The following DOCK2 variants were observed in gnomAD, a reference collection of about 807,000 sequenced individuals.
DOCK2 encodes dedicator of cytokinesis protein 2.
DOCK2 carries 87 observed loss-of-function variants against 248.9 expected under a neutral mutation model. The observed-to-expected ratio is 0.35, with a 90% CI of 0.29 to 0.42. The LOEUF is 0.42. Ranked by LOEUF, DOCK2 falls within the 10% of genes least tolerant of loss-of-function variation. The pLI is 1.00. For missense variants in DOCK2, 1,747 were observed against 2,300.2 expected (o/e 0.76, Z 4.92); for synonymous variants, 805 against 821.6 (o/e 0.98, Z 0.35).
intron 25 of DOCK2, 68 bp downstream of exon 25, chr5:169,761,693 C>T (rs1752720435): frequency 7.1e-7 from 1 of 1,415,892 alleles, no homozygotes; most frequent in Admixed American, 1.7e-5. Flanking sequence ...TTTGGGGAAG[C>T]TTGGCAGGAG....
rs150795142 is a variant in DOCK2, at chr5:169,984,890, G to C, written c.2899-938G>C. 6.9e-3 allele frequency among the ~76,000 whole-genome samples: 1,046 copies of C among 152,212 alleles called. 15 individuals carry two copies. Among genetic ancestry groups the C allele is most frequent in the Non-Finnish European group, 0.011 (753 of 67,986 alleles). On this transcript the variant is annotated intron_variant, in intron 28 of 51. Coordinates refer to ENST00000520908, the MANE Select transcript of DOCK2 (RefSeq NM_004946.3). ...AGCTCAAAAGGGTCTCAGTGCCAGTGGTTCTGGTCTTAGCTATCCAGATTT... is the reference window on the plus strand; with the variant it reads ...AGCTCAAAAGGGTCTCAGTGCCAGTCGTTCTGGTCTTAGCTATCCAGATTT...
chr5:169,890,962 C>T (rs938289108), intron 27 of DOCK2, among the ~76,000 whole-genome samples: 2 of 152,158 alleles, frequency 1.3e-5, no homozygotes, highest in African/African-American at 4.8e-5. Context: ...TGAAACCCTG[C>T]AAAGGTGTCC....
Position 169,669,555 on chromosome 5 carries a change from C to T in DOCK2, c.168+227C>T, listed in dbSNP as rs145672553. Among the ~76,000 whole-genome samples the T allele has an allele frequency of 2.0e-5, 3 of 152,274 alleles. No individual in the cohort carries two copies. The East Asian group carries it at 5.8e-4, about 29-fold the overall frequency. ...CATCTCTGGTGCCATCTCCCTGCAA[C>T]TTTTCCTGATATGCCACTCACTTAT... is the stretch of plus-strand genomic sequence containing the variant. On this transcript the variant is annotated intron_variant, in intron 3 of 51. Transcript: ENST00000520908.
rs553462044 is a variant in DOCK2 at position 169,638,869 on chromosome 5, A to G, written c.43+1500A>G. On this transcript the variant is annotated intron_variant, in intron 1 of 51. Transcript: ENST00000520908. ...AGCAATGGAGCGGGCCTTAAATTCA[A>G]TTGTCTTCAGACCCTAGGCCCTTTG... Among the ~76,000 whole-genome samples the G allele has an allele frequency of 2.6e-5, 4 of 152,296 alleles. No individual in the cohort carries two copies. The South Asian group carries it at 6.2e-4, about 24-fold the overall frequency.
At chr5:169,896,090 T>C (rs1398209409) in intron 27 of DOCK2, among the ~76,000 whole-genome samples, 1 of 152,040 alleles carries the variant, frequency 6.6e-6, no homozygotes, top group Non-Finnish European at 1.5e-5. Context: ...CTGAGCCTGA[T>C]TGGCTGCACT....
chr5:169,838,794 G>A (rs1035444875), intron 26 of DOCK2, among the ~76,000 whole-genome samples: 1 of 152,186 alleles, frequency 6.6e-6, no homozygotes, highest in Non-Finnish European at 1.5e-5. Context: ...CAGGGCTAGA[G>A]AGTCTGGGAG....
At chr5:169,714,485 T>G (rs1761791165) in intron 19 of DOCK2, 28 bp downstream of exon 19, 2 of 1,611,716 alleles carry the variant, frequency 1.2e-6, no homozygotes, top group East Asian at 4.5e-5. Flanking sequence ...TTGATTGTAT[T>G]CTTACACTAG....
At chr5:170,045,760 G>A in intron 38 of DOCK2, 56 bp from the exon 39 acceptor site, 1 of 1,547,322 alleles carries the variant, frequency 6.5e-7, no homozygotes, top group Non-Finnish European at 8.9e-7. Flanking sequence ...TCCTCAGCAA[G>A]CGCTCTGCAA....
intron 22 of DOCK2, 108 bp from the exon 23 acceptor site, chr5:169,747,288 C>A (rs772277250): frequency 2.5e-5 from 24 of 945,688 alleles, no homozygotes; most frequent in Non-Finnish European, 3.4e-5. Flanking sequence ...AAGTCCCCAC[C>A]TCCCACTCCT....
chr5:170,037,577 C>T (rs1179531805), intron 36 of DOCK2, among the ~76,000 whole-genome samples: 1 of 151,202 alleles, frequency 6.6e-6, no homozygotes, highest in African/African-American at 2.4e-5. Context: ...ACCTCTGCCT[C>T]CCGGGTTCAA....
chr5:169,991,253 A>T (rs1211630497), intron 29 of DOCK2, among the ~76,000 whole-genome samples: 2 of 152,178 alleles, frequency 1.3e-5, no homozygotes, highest in African/African-American at 4.8e-5. Context: ...TGACACCAGG[A>T]TTTGTTCTGC....
At chr5:169,833,254 A>C (rs1187397367) in intron 26 of DOCK2, among the ~76,000 whole-genome samples, 1 of 152,226 alleles carries the variant, frequency 6.6e-6, no homozygotes. Flanking sequence ...TAACAAAATC[A>C]CCTCACTTCT....
intron 27 of DOCK2, among the ~76,000 whole-genome samples, chr5:169,962,651 A>G (rs922467248): frequency 6.6e-6 from 1 of 152,168 alleles, no homozygotes; most frequent in Admixed American, 6.5e-5. Flanking sequence ...AACCTCTAGG[A>G]ACGTATTGTC....
intron 25 of DOCK2, among the ~76,000 whole-genome samples, chr5:169,768,061 C>T (rs1318161533): frequency 6.6e-6 from 1 of 152,154 alleles, no homozygotes; most frequent in Non-Finnish European, 1.5e-5. Context: ...GTGCATGTGG[C>T]CTCCCTGTAG....
Position 169,716,311 on chromosome 5 carries a change from GA to G in DOCK2, c.2031+10del. ...TCGTCTTTGATGCCTTGGTAAGAGA[GA>G]GGGGAAAAGTGTCTAGTGACAACAG... On this transcript the variant is annotated intron_variant, in intron 20 of 51. Transcript: ENST00000520908. 6.2e-7 allele frequency: 1 copy of G among 1,612,960 alleles called. No homozygotes were observed. The highest frequency in any genetic ancestry group is 8.5e-7 in the Non-Finnish European group (1 of 1,179,088).
At chr5:169,972,440 A>G (rs1481373267) in intron 27 of DOCK2, among the ~76,000 whole-genome samples, 2 of 151,914 alleles carry the variant, frequency 1.3e-5, no homozygotes, top group Non-Finnish European at 2.9e-5. Context: ...TTTAACCAAT[A>G]GATGTCAGTA....
intron 10 of DOCK2, 128 bp from the exon 11 acceptor site, chr5:169,698,246 C>A (rs1760748857): frequency 2.5e-6 from 2 of 814,562 alleles, no homozygotes; most frequent in Non-Finnish European, 4.0e-6. Context: ...GGCTTGCTTG[C>A]CATTTTAGGC....
In DOCK2 at chr5:169,853,415, G is replaced by A. The variant is rs1169905485; in HGVS notation, c.2799+12563G>A. On this transcript the variant is annotated intron_variant, in intron 27 of 51. Transcript: ENST00000520908. ...TAAGTGACTCAAAGGAATCAATTCTGTCAAATGATCCTTCAAAATCAAAAC... is the reference window on the plus strand; with the variant it reads ...TAAGTGACTCAAAGGAATCAATTCTATCAAATGATCCTTCAAAATCAAAAC... Among the ~76,000 whole-genome samples, 6 of 152,294 alleles carry A rather than the reference G, an allele frequency of 3.9e-5. 1 individual carries two copies. The East Asian group carries it at 1.2e-3, about 29-fold the overall frequency.
intron 27 of DOCK2, among the ~76,000 whole-genome samples, chr5:169,930,054 GATCTCAGCTCACTGCA>G (rs1561832623): frequency 1.3e-5 from 2 of 152,118 alleles, no homozygotes; most frequent in Non-Finnish European, 2.9e-5. Context: ...GCAGTGGCAC[GATCTCAGCTCACTGCA>G]ATCTCTGCCT....
Sources: gnomAD v4.1 joint callset for allele counts (sites outside exome capture counted in the v4.1 genomes callset) on GRCh38, gnomAD v4.1.1 for gene constraint, MANE v1.5 for transcripts, NCBI Gene and HGNC (gene_info 2026-07-23, HGNC 2026-07-21) for gene names.